Variants in PHLPP1 observed in about 807,000 individuals in gnomAD.
The protein encoded by PHLPP1 is PH domain and leucine rich repeat protein phosphatase 1.
A neutral mutation model predicts 117.2 loss-of-function variants in PHLPP1; 42 were observed. The observed-to-expected ratio is 0.36, with a 90% CI of 0.28 to 0.46. PHLPP1 has a LOEUF of 0.46. Ranked by LOEUF, PHLPP1 falls within the 20% of genes least tolerant of loss-of-function variation. PHLPP1 has a pLI of 1.00. For missense variants in PHLPP1, 2,084 were observed against 2,241.9 expected (o/e 0.93, Z 1.42); for synonymous variants, 1,042 against 970.7 (o/e 1.07, Z -1.37).
At chr18:62,842,530 T>A (rs1266441990) in intron 3 of PHLPP1, among the ~76,000 whole-genome samples, 1 of 151,982 alleles carries the variant, frequency 6.6e-6, no homozygotes, top group African/African-American at 2.4e-5. Context: ...CCGGGCTAAT[T>A]TTTTTGTATT....
intron 1 of PHLPP1, among the ~76,000 whole-genome samples, chr18:62,827,119 C>G (rs751955263): frequency 3.3e-5 from 5 of 152,160 alleles, no homozygotes; most frequent in African/African-American, 4.8e-5. Context: ...TATAGATCAC[C>G]TTACCTACTA....
At position 62,978,622 on chromosome 18, in the gene PHLPP1, C is replaced by T; in HGVS notation, c.4345C>T (p.Pro1449Ser). Residue 1449 changes from proline to serine, a missense_variant, in exon 17 of 17, where the codon CCT becomes TCT. Physicochemically the swap from Pro to Ser is moderately conservative, Grantham distance 74. Coordinates refer to ENST00000262719, the MANE Select transcript of PHLPP1 (RefSeq NM_194449.4). The surrounding 1 kb of genome is among the most constrained non-coding windows in gnomAD (Gnocchi z 7.0). Reference protein sequence around the residue: ...AVPPPSPGIFPPSVNMVIKDR... With the variant: ...AVPPPSPGIFSPSVNMVIKDR... Reference sequence around the variant, plus strand: ...GCCACCACCCAGTCCTGGCATCTTTCCTCCCTCAGTGAACATGGTGATCAA... The same window carrying T: ...GCCACCACCCAGTCCTGGCATCTTTTCTCCCTCAGTGAACATGGTGATCAA... 1 of 1,613,856 alleles carries T rather than the reference C, an allele frequency of 6.2e-7. No homozygotes were observed. Among genetic ancestry groups the T allele is most frequent in the Non-Finnish European group, 8.5e-7 (1 of 1,179,806 alleles).
chr18:62,940,888 C>G (rs951782570), intron 10 of PHLPP1, among the ~76,000 whole-genome samples: 1 of 152,208 alleles, frequency 6.6e-6, no homozygotes, highest in Non-Finnish European at 1.5e-5. Flanking sequence ...ACGCCGTCTC[C>G]TGGATACTGC....
Position 62,963,440 on chromosome 18 carries a change from T to A in PHLPP1, c.3528T>A (p.His1176Gln). 6.2e-7 allele frequency: 1 copy of A among 1,613,192 alleles called. No individual in the cohort carries two copies. The highest frequency in any genetic ancestry group is 8.5e-7 in the Non-Finnish European group (1 of 1,179,490). ...CCGGAGCCCCAGCTGTATGGAGTCATGGTTACACTGAAGCTTCGGGGGTAA... is the reference window on the plus strand; with the variant it reads ...CCGGAGCCCCAGCTGTATGGAGTCAAGGTTACACTGAAGCTTCGGGGGTAA... ...DASGAPAVWS[H>Q]GYTEASGVKN... Residue 1176 changes from histidine to glutamine, a missense_variant, in exon 14 of 17, where the codon CAT (histidine) becomes CAA (glutamine). Coordinates refer to ENST00000262719, the MANE Select transcript of PHLPP1 (RefSeq NM_194449.4).
chr18:62,716,575 C>T lies in PHLPP1; in HGVS notation c.892C>T (p.Pro298Ser), dbSNP rs1599009697. ...TGCCTTCGGGGGGCCTCCGCGCGCG[C>T]CCCCCGCCGACCTACCCCTGCCCGT... ...PGAFGGPPRA[P>S]PADLPLPVGG... is the part of the protein sequence containing the mutation. The change falls in exon 1 of 17, where the codon CCC becomes TCC. Residue 298 changes from proline (P) to serine (S), a missense_variant. Pro to Ser is a moderately conservative substitution (Grantham distance 74). Coordinates refer to ENST00000262719, the MANE Select transcript of PHLPP1 (RefSeq NM_194449.4). The surrounding 1 kb of genome is among the most constrained non-coding windows in gnomAD (Gnocchi z 5.7). 1.4e-5 allele frequency: 17 copies of T among 1,208,282 alleles called. No homozygotes were observed. The highest frequency in any genetic ancestry group is 1.7e-5 in the Non-Finnish European group (17 of 973,384). The allele number at this position is 1,208,282 out of a possible 1,614,324, so 74.8% of individuals were successfully genotyped here.
rs1352794056 is a variant in PHLPP1 at position 62,933,001 on chromosome 18, T to C, written c.2961-8717T>C. ...GCTGAGAACCAAATCAAGAATACAA[T>C]CCCATTTACAATAGCAAAAAAATGA... On this transcript the variant is annotated intron_variant, in intron 10 of 16. Transcript: ENST00000262719. Among the ~76,000 whole-genome samples, 4 of 151,846 alleles carry C rather than the reference T, an allele frequency of 2.6e-5. No homozygotes were observed. The East Asian group carries it at 7.7e-4, about 29-fold the overall frequency.
intron 12 of PHLPP1, among the ~76,000 whole-genome samples, chr18:62,946,849 C>T (rs1456196517): frequency 6.6e-6 from 1 of 151,978 alleles, no homozygotes; most frequent in South Asian, 2.1e-4. Context: ...GTCAGGAGAT[C>T]GAGACCATCC....
chr18:62,904,374 T>C (rs1479172653), intron 7 of PHLPP1, among the ~76,000 whole-genome samples: 1 of 152,180 alleles, frequency 6.6e-6, no homozygotes, highest in Non-Finnish European at 1.5e-5. Flanking sequence ...GGAGACTTGA[T>C]GGAAGTGATG....
chr18:62,934,330 G>A (rs561150690), intron 10 of PHLPP1, among the ~76,000 whole-genome samples: 9 of 152,104 alleles, frequency 5.9e-5, no homozygotes, highest in Admixed American at 3.9e-4. Context: ...CTATGTACCC[G>A]TCGGTGGTGA....
chr18:62,822,313 G>A (rs1914490769), intron 1 of PHLPP1, among the ~76,000 whole-genome samples: 1 of 125,918 alleles, frequency 7.9e-6, no homozygotes, highest in South Asian at 2.5e-4. Flanking sequence ...ACAGAGTCTC[G>A]CTCTGTGGTC....
intron 1 of PHLPP1, among the ~76,000 whole-genome samples, chr18:62,760,248 A>G (rs1210845945): frequency 1.3e-5 from 2 of 152,110 alleles, no homozygotes; most frequent in African/African-American, 2.4e-5. Flanking sequence ...TTCCTGCATG[A>G]AGTGAAGCAG....
intron 12 of PHLPP1, among the ~76,000 whole-genome samples, chr18:62,951,812 A>ATT (rs34516044): frequency 3.9e-4 from 40 of 101,398 alleles, no homozygotes; most frequent in Non-Finnish European, 5.0e-4. Context: ...CACATAATTA[A>ATT]TTTTTTTTTT....
At chr18:62,739,592 T>G (rs1308479100) in intron 1 of PHLPP1, among the ~76,000 whole-genome samples, 1 of 152,144 alleles carries the variant, frequency 6.6e-6, no homozygotes, top group Non-Finnish European at 1.5e-5. Flanking sequence ...AGTATTTCTA[T>G]CCTGAAGGGA....
In PHLPP1 at chr18:62,895,874, C is replaced by G. The variant is rs770029875; in HGVS notation, c.2307C>G (p.Phe769Leu). The change falls in exon 6 of 17, where the codon TTC becomes TTG. Residue 769 changes from phenylalanine to leucine, a missense_variant. Phe to Leu is a conservative substitution (Grantham distance 22). Around this residue, in one of 2 missense-constraint regions of PHLPP1, gnomAD observed 1,365 missense variants for 1,605.9 expected, o/e 0.85. Coordinates refer to ENST00000262719, the MANE Select transcript of PHLPP1 (RefSeq NM_194449.4). ...AGCTTAGTTATCTGGGTCTTTCTTT[C>G]AATGAATTTACTGACATTCCCGAAG... ...MKQLSYLGLS[F>L]NEFTDIPEVL... 1 of 1,613,082 alleles carries G rather than the reference C, an allele frequency of 6.2e-7. No individual in the cohort carries two copies. The highest frequency in any genetic ancestry group is 8.5e-7 in the Non-Finnish European group (1 of 1,179,074).
chr18:62,827,783 T>C (rs1364237192), intron 1 of PHLPP1, among the ~76,000 whole-genome samples: 1 of 152,214 alleles, frequency 6.6e-6, no homozygotes, highest in African/African-American at 2.4e-5. Context: ...TACTCTTCTG[T>C]TAAAGATCCC....
intron 1 of PHLPP1, among the ~76,000 whole-genome samples, chr18:62,828,866 T>C (rs1018219388): frequency 1.3e-5 from 2 of 152,234 alleles, no homozygotes; most frequent in African/African-American, 2.4e-5. Flanking sequence ...TACATATATC[T>C]CTTATTAACT....
chr18:62,957,174 G>A (rs544887110), intron 12 of PHLPP1, among the ~76,000 whole-genome samples: 6 of 152,238 alleles, frequency 3.9e-5, no homozygotes, highest in Admixed American at 1.3e-4. Flanking sequence ...TATCTAGAGC[G>A]CTGACCACTC....
chr18:62,820,420 G>A (rs562965092), intron 1 of PHLPP1, among the ~76,000 whole-genome samples: 1 of 152,320 alleles, frequency 6.6e-6, no homozygotes, highest in Non-Finnish European at 1.5e-5. Context: ...ACATTGATAT[G>A]GTTAGGCTTT....
intron 4 of PHLPP1, among the ~76,000 whole-genome samples, chr18:62,888,191 T>C (rs1271525687): frequency 1.3e-5 from 2 of 152,200 alleles, no homozygotes; most frequent in Non-Finnish European, 2.9e-5. Context: ...CTTATCTATG[T>C]TGAACAGCTA....
Sources: gnomAD v4.1 joint callset for allele counts (sites outside exome capture counted in the v4.1 genomes callset) on GRCh38, gnomAD v4.1.1 for gene constraint, gnomAD v4.1.1 regional missense constraint, Gnocchi (gnomAD v3.1) non-coding constraint, MANE v1.5 for transcripts, NCBI Gene and HGNC (gene_info 2026-07-23, HGNC 2026-07-21) for gene names.